The following LDAH variants were observed in gnomAD, a reference collection of about 807,000 sequenced individuals.
LDAH encodes lipid droplet-associated hydrolase.
In LDAH, 26 loss-of-function variants were observed where a neutral mutation model predicts 29.6. The ratio of observed to expected loss-of-function variants is 0.88; its 90% CI spans 0.64 to 1.22. The LOEUF (loss-of-function observed/expected upper bound fraction) is 1.22, where lower values mean the gene tolerates loss of function less well. Ranked by LOEUF, LDAH falls within the 50% of genes most tolerant of loss-of-function variation. The pLI is 0.00. For synonymous variants in LDAH, 117 were observed against 133.0 expected (o/e 0.88, Z 0.83); for missense variants, 344 against 387.3 (o/e 0.89, Z 0.94).
chr2:20,767,451 C>T (rs1268581064), intron 4 of LDAH, among the ~76,000 whole-genome samples: 1 of 152,224 alleles, frequency 6.6e-6, no homozygotes, highest in African/African-American at 2.4e-5. Flanking sequence ...CACTGACATG[C>T]CAGCTCCCTG....
intron 4 of LDAH, among the ~76,000 whole-genome samples, chr2:20,764,871 C>T (rs1157629929): frequency 3.3e-5 from 5 of 152,136 alleles, no homozygotes; most frequent in East Asian, 1.9e-4. Flanking sequence ...CTTGGCACTT[C>T]GGTCTCATCT....
At chr2:20,736,411 T>C (rs113495400) in intron 5 of LDAH, among the ~76,000 whole-genome samples, 4,769 of 152,068 alleles carry the variant, frequency 0.031, 252 homozygotes, top group African/African-American at 0.11. Flanking sequence ...CACTGCACCC[T>C]AGCCTGGGTG....
intron 4 of LDAH, among the ~76,000 whole-genome samples, chr2:20,774,267 G>T (rs1669636582): frequency 6.6e-6 from 1 of 152,136 alleles, no homozygotes; most frequent in Admixed American, 6.5e-5. Flanking sequence ...GCACACAGTG[G>T]TATCCAACAA....
intron 1 of LDAH, among the ~76,000 whole-genome samples, chr2:20,811,171 C>G (rs1388422756): frequency 2.6e-5 from 4 of 151,902 alleles, no homozygotes; most frequent in Non-Finnish European, 5.9e-5. Context: ...GCGCCCGCCA[C>G]CACGGCCGGC....
intron 6 of LDAH, among the ~76,000 whole-genome samples, chr2:20,694,159 G>C (rs79195207): frequency 4.6e-5 from 7 of 152,194 alleles, no homozygotes; most frequent in African/African-American, 7.2e-5. Flanking sequence ...CCCAGCTAGG[G>C]CCCCTACCCT....
intron 4 of LDAH, among the ~76,000 whole-genome samples, chr2:20,744,705 T>A (rs189938474): frequency 1.3e-5 from 2 of 152,268 alleles, no homozygotes; most frequent in Non-Finnish European, 2.9e-5. Flanking sequence ...CACATAGGGA[T>A]TTTTCTGCAA....
chr2:20,695,670 G>A (rs1254707750), intron 6 of LDAH, among the ~76,000 whole-genome samples: 3 of 151,864 alleles, frequency 2.0e-5, no homozygotes, highest in Non-Finnish European at 4.4e-5. Flanking sequence ...GGCTGGTCTC[G>A]AACTCCTGAC....
At chr2:20,812,723 A>C (rs1672579712) in intron 1 of LDAH, among the ~76,000 whole-genome samples, 1 of 152,230 alleles carries the variant, frequency 6.6e-6, no homozygotes, top group African/African-American at 2.4e-5. Context: ...AATGTAAGCC[A>C]GTGAGGAGTG....
chr2:20,806,302 A>C lies in LDAH; in HGVS notation c.-2-4837T>G, dbSNP rs1197846854. Among the ~76,000 whole-genome samples the C allele has an allele frequency of 3.3e-5, 5 of 152,172 alleles. No homozygotes were observed. The East Asian group carries it at 9.6e-4, about 29-fold the overall frequency. ...AATGCCAAAAACTTTAAACATAATA[A>C]TATTAAATGTGGACCATTCTGTGGA... On this transcript the variant is annotated intron_variant, in intron 1 of 6. Transcript: ENST00000237822.
At chr2:20,724,043 C>T (rs759176596) in intron 5 of LDAH, among the ~76,000 whole-genome samples, 2 of 152,246 alleles carry the variant, frequency 1.3e-5, no homozygotes, top group African/African-American at 4.8e-5. Flanking sequence ...TTGAAATAGC[C>T]GAGTGAGGGC....
chr2:20,726,466 G>T (rs562647238), intron 5 of LDAH, among the ~76,000 whole-genome samples: 101 of 152,314 alleles, frequency 6.6e-4, no homozygotes, highest in African/African-American at 2.3e-3. Context: ...GCAGAGTAAG[G>T]CTGGGTACTC....
intron 4 of LDAH, among the ~76,000 whole-genome samples, chr2:20,756,236 T>C (rs889426606): frequency 2.6e-5 from 4 of 152,084 alleles, no homozygotes; most frequent in Non-Finnish European, 4.4e-5. Context: ...GGTTTCACCA[T>C]ATTGGTCAGG....
intron 5 of LDAH, among the ~76,000 whole-genome samples, chr2:20,738,889 T>C (rs1268580920): frequency 6.6e-6 from 1 of 152,232 alleles, no homozygotes; most frequent in Non-Finnish European, 1.5e-5. Context: ...TGTTAACTTG[T>C]TTCTAGTTCA....
chr2:20,767,009 G>C lies in LDAH; in HGVS notation c.468+7801C>G, dbSNP rs1213461015. On this transcript the variant is annotated intron_variant, in intron 4 of 6. Coordinates refer to ENST00000237822, the MANE Select transcript of LDAH (RefSeq NM_021925.4). ...ACTCCTGACGGCCAGACCAGGGCCT[G>C]CAATCCATTCCTGGAGGTGCGCACT... is the stretch of plus-strand genomic sequence containing the variant. 5.3e-5 allele frequency among the ~76,000 whole-genome samples: 8 copies of C among 152,246 alleles called. No homozygotes were observed. In the East Asian group the frequency reaches 1.5e-3, roughly 29 times the overall value.
Position 20,764,969 on chromosome 2 carries a change from T to C in LDAH, c.468+9841A>G, listed in dbSNP as rs115369077. 5.9e-3 allele frequency among the ~76,000 whole-genome samples: 901 copies of C among 152,326 alleles called. 8 individuals are homozygous for C. Among genetic ancestry groups the C allele is most frequent in the African/African-American group, 0.021 (860 of 41,570 alleles). ...TCAAATGAATGTTAGGTATAATCACTGTTAGTAATGACAATAACATCAATT... is the reference window on the plus strand; with the variant it reads ...TCAAATGAATGTTAGGTATAATCACCGTTAGTAATGACAATAACATCAATT... On this transcript the variant is annotated intron_variant, in intron 4 of 6. Transcript: ENST00000237822.
intron 6 of LDAH, among the ~76,000 whole-genome samples, chr2:20,694,853 C>T (rs1043228346): frequency 1.2e-4 from 18 of 152,352 alleles, no homozygotes; most frequent in African/African-American, 4.3e-4. Context: ...GGCCAGGATC[C>T]TCTCCCTCCC....
At position 20,694,992 on chromosome 2, in the gene LDAH, G is replaced by C. The variant is rs181124604; in HGVS notation, c.786+6578C>G. On this transcript the variant is annotated intron_variant, in intron 6 of 6. Transcript: ENST00000237822. ...TCTGGCAAAGTAAGAGGCCCTGAGC[G>C]CCAGTCTCCTTCTGTGTTTCTGTCC... Among the ~76,000 whole-genome samples, 8 of 152,354 alleles carry C rather than the reference G, an allele frequency of 5.3e-5. No homozygotes were observed. In the South Asian group the frequency reaches 1.4e-3, roughly 28 times the overall value.
intron 2 of LDAH, among the ~76,000 whole-genome samples, chr2:20,799,184 T>C (rs1339883581): frequency 6.6e-6 from 1 of 151,832 alleles, no homozygotes; most frequent in African/African-American, 2.4e-5. Context: ...GCTGAGATCA[T>C]ACCACTGCAC....
At position 20,807,028 on chromosome 2, in the gene LDAH, C is replaced by A. The variant is rs370184761; in HGVS notation, c.-2-5563G>T. Among the ~76,000 whole-genome samples the A allele has an allele frequency of 5.5e-4, 84 of 151,956 alleles. No individual in the cohort carries two copies. In the South Asian group the frequency reaches 0.012, roughly 21 times the overall value. On this transcript the variant is annotated intron_variant, in intron 1 of 6. Transcript: ENST00000237822. ...TTGAAAACACCTATAAATAAGTAAA[C>A]CCTTGACTTCTCAAGAAAAGAGATG...
Sources: gnomAD v4.1 joint callset for allele counts (sites outside exome capture counted in the v4.1 genomes callset) on GRCh38, gnomAD v4.1.1 for gene constraint, MANE v1.5 for transcripts, NCBI Gene and HGNC (gene_info 2026-07-23, HGNC 2026-07-21) for gene names.